The following HACD4 variants were observed in gnomAD, a reference collection of about 807,000 sequenced individuals.
HACD4 encodes the protein very-long-chain (3R)-3-hydroxyacyl-CoA dehydratase 4.
In HACD4, 35 loss-of-function variants were observed where a neutral mutation model predicts 33.3. The observed-to-expected ratio is 1.05, with a 90% CI of 0.80 to 1.39. The LOEUF (loss-of-function observed/expected upper bound fraction) is 1.39, where lower values mean the gene tolerates loss of function less well. Among genes scored for constraint, HACD4 ranks in the 40% most tolerant of loss-of-function variants. The pLI is 0.00. For missense variants in HACD4, 323 were observed against 276.5 expected (o/e 1.17, Z -1.19); for synonymous variants, 118 against 98.0 (o/e 1.20, Z -1.21).
At chr9:21,031,343 G>A (rs1424649243) in intron 1 of HACD4, 1 of 552,264 alleles carries the variant, frequency 1.8e-6, no homozygotes, top group Admixed American at 6.3e-5. Context: ...CTGTAAAATG[G>A]AGAAAATAAC....
chr9:21,020,619 G>A (rs1416083639), intron 3 of HACD4, among the ~76,000 whole-genome samples: 1 of 152,072 alleles, frequency 6.6e-6, no homozygotes, highest in Non-Finnish European at 1.5e-5. Context: ...AGCTCATTTC[G>A]GAGGAGGGGA....
Position 21,031,610 on chromosome 9 carries a change from T to G in HACD4, c.-20A>C. On this transcript the variant is annotated 5_prime_UTR_variant, in exon 1 of 7. Coordinates refer to ENST00000495827, the MANE Select transcript of HACD4 (RefSeq NM_001010915.5). ...CCCCATGGGCCGCCGCCGCCAGGGC[T>G]TCCAGCGCGGTCCAGGAAGGAGTAC... 7.1e-7 allele frequency: 1 copy of G among 1,417,006 alleles called. No individual in the cohort carries two copies. Among genetic ancestry groups the G allele is most frequent in the Non-Finnish European group, 9.2e-7 (1 of 1,091,770 alleles). 87.8% of individuals were successfully genotyped at this position (1,417,006 alleles called of 1,614,324 possible).
At chr9:21,014,588 A>G (rs772336737) in intron 4 of HACD4, among the ~76,000 whole-genome samples, 1 of 152,106 alleles carries the variant, frequency 6.6e-6, no homozygotes, top group African/African-American at 2.4e-5. Flanking sequence ...GCTACTGGGT[A>G]TAAGGTTTCT....
At chr9:21,026,563 C>T in intron 3 of HACD4, 33 bp downstream of exon 3, 2 of 1,547,656 alleles carry the variant, frequency 1.3e-6, no homozygotes, top group South Asian at 1.2e-5. Context: ...AAAAATGAAA[C>T]AGATTCTATA....
intron 3 of HACD4, among the ~76,000 whole-genome samples, chr9:21,020,973 AT>A (rs1817893659): frequency 6.6e-6 from 1 of 152,104 alleles, no homozygotes; most frequent in Non-Finnish European, 1.5e-5. Context: ...CATGTAAAAC[AT>A]TTAAAAATGC....
chr9:21,025,523 C>A (rs1818040045), intron 3 of HACD4, among the ~76,000 whole-genome samples: 1 of 152,052 alleles, frequency 6.6e-6, no homozygotes. Context: ...TTTGAGGATA[C>A]CTAAAATTAT....
rs1277916552 is a variant in HACD4, at chr9:21,001,701, T to G, written c.*5336A>C. 3 of 152,124 alleles carry G rather than the reference T, an allele frequency of 2.0e-5. No individual in the cohort carries two copies. The allele number at this position is 152,124 out of a possible 1,614,324, so 9.4% of individuals were successfully genotyped here. A position where few individuals can be genotyped will look rare whatever the true frequency, so the allele number is the denominator to read the frequency against. On this transcript the variant is annotated 3_prime_UTR_variant, in exon 7 of 7. Coordinates refer to ENST00000495827, the MANE Select transcript of HACD4 (RefSeq NM_001010915.5). ...TCATCAGAAACTTTGGAGGCCAGAA[T>G]GCAGTGAGCTCACATATTCAAAGTG... is the stretch of plus-strand genomic sequence containing the variant.
In HACD4 at chr9:21,011,625, A is replaced by C; in HGVS notation, c.454T>G (p.Trp152Gly). The C allele has an allele frequency of 6.2e-7, 1 of 1,610,664 alleles. No homozygotes were observed. The highest frequency in any genetic ancestry group is 8.5e-7 in the Non-Finnish European group (1 of 1,177,070). Residue 152 changes from tryptophan (W) to glycine (G), a missense_variant, in exon 5 of 7, where the codon TGG becomes GGG. Physicochemically the swap from Trp to Gly is radical, Grantham distance 184 (BLOSUM62 -2). Coordinates refer to ENST00000495827, the MANE Select transcript of HACD4 (RefSeq NM_001010915.5). Reference protein sequence around the residue: ...AVLTWLSQTLWMPIYPLCVLA... With the variant: ...AVLTWLSQTLGMPIYPLCVLA... ...ACACACAAAGGATAAATTGGCATCCATAGTGTTTGACTGAGCCATGTCAAG... is the reference window on the plus strand; with the variant it reads ...ACACACAAAGGATAAATTGGCATCCCTAGTGTTTGACTGAGCCATGTCAAG...
chr9:21,013,236 T>G (rs1364021421), intron 4 of HACD4, among the ~76,000 whole-genome samples: 1 of 152,184 alleles, frequency 6.6e-6, no homozygotes, highest in African/African-American at 2.4e-5. Flanking sequence ...AACTTCATTT[T>G]TTTGTGTGTG....
At chr9:21,028,884 T>C (rs1019567252) in intron 2 of HACD4, among the ~76,000 whole-genome samples, 4 of 152,226 alleles carry the variant, frequency 2.6e-5, no homozygotes, top group Non-Finnish European at 4.4e-5. Context: ...TTTCACTTAC[T>C]AGTAGTCTCC....
rs763208548 is a variant in HACD4 at position 21,008,065 on chromosome 9, T to A, written c.572A>T (p.Tyr191Phe). The A allele has an allele frequency of 8.1e-6, 13 of 1,611,508 alleles. No homozygotes were observed. Among genetic ancestry groups the A allele is most frequent in the Admixed American group, 1.7e-5 (1 of 59,646 alleles). ...ATATATTTTCAGCACATATGGGAAA[T>A]AGATGGATAAGTCAAAGGGCAGCTT... ...STKLPFDLSI[Y>F]FPYVLKIYLM... The change falls in exon 6 of 7, where the codon TAT (tyrosine) becomes TTT (phenylalanine). Residue 191 changes from tyrosine (Y) to phenylalanine (F), a missense_variant. Coordinates refer to ENST00000495827, the MANE Select transcript of HACD4 (RefSeq NM_001010915.5).
intron 3 of HACD4, among the ~76,000 whole-genome samples, chr9:21,022,057 G>T (rs1817928379): frequency 6.6e-6 from 1 of 152,178 alleles, no homozygotes. Flanking sequence ...ACAGAAGAGA[G>T]CCCTCAGAAG....
chr9:21,017,636 TACAC>T (rs1463123955), intron 3 of HACD4, among the ~76,000 whole-genome samples: 2 of 152,130 alleles, frequency 1.3e-5, no homozygotes, highest in African/African-American at 4.8e-5. Context: ...TCTCAGGAGA[TACAC>T]ATACATGAAT....
At chr9:21,008,375 T>C (rs1379612950) in intron 5 of HACD4, among the ~76,000 whole-genome samples, 1 of 152,178 alleles carries the variant, frequency 6.6e-6, no homozygotes, top group Non-Finnish European at 1.5e-5. Flanking sequence ...TGGTATACCT[T>C]ATTGTGCCTA....
At chr9:21,031,263 G>C (rs1045670915) in intron 1 of HACD4, 6 of 170,162 alleles carry the variant, frequency 3.5e-5, no homozygotes, top group East Asian at 1.9e-4. Context: ...AAGGCTCCTG[G>C]GGGGAGGGAA....
In HACD4 at chr9:21,007,034, A is replaced by G; in HGVS notation, c.*3T>C. On this transcript the variant is annotated 3_prime_UTR_variant, in exon 7 of 7. Transcript: ENST00000495827. ...TTCTCGTGTCACACTGGAATGCTGT[A>G]CTTCACATCTTCTTTTTTTTAATGG... 1 of 1,515,376 alleles carries G rather than the reference A, an allele frequency of 6.6e-7. No homozygotes were observed. The highest frequency in any genetic ancestry group is 9.2e-7 in the Non-Finnish European group (1 of 1,090,424). 93.9% of individuals were successfully genotyped at this position (1,515,376 alleles called of 1,614,324 possible).
intron 4 of HACD4, among the ~76,000 whole-genome samples, chr9:21,013,453 A>G (rs1467698983): frequency 2.0e-5 from 3 of 152,192 alleles, no homozygotes; most frequent in East Asian, 3.8e-4. Flanking sequence ...GAGTCCTTCA[A>G]CTACATTCTT....
intron 3 of HACD4, among the ~76,000 whole-genome samples, chr9:21,017,606 C>T (rs1479272402): frequency 1.3e-5 from 2 of 152,042 alleles, no homozygotes; most frequent in Non-Finnish European, 2.9e-5. Flanking sequence ...TTAGGAAAAC[C>T]TTCTGGTTTT....
intron 5 of HACD4, among the ~76,000 whole-genome samples, chr9:21,011,120 G>A (rs1254805388): frequency 6.6e-6 from 1 of 152,174 alleles, no homozygotes; most frequent in Non-Finnish European, 1.5e-5. Flanking sequence ...AGTTGAGGAA[G>A]TCAGGGAATG....
Sources: gnomAD v4.1 joint callset for allele counts (sites outside exome capture counted in the v4.1 genomes callset) on GRCh38, gnomAD v4.1.1 for gene constraint, MANE v1.5 for transcripts, NCBI Gene and HGNC (gene_info 2026-07-23, HGNC 2026-07-21) for gene names.